The following COL5A1 variants were observed in gnomAD, a reference collection of about 807,000 sequenced individuals.
COL5A1 encodes the protein collagen alpha-1(V) chain.
In COL5A1, 16 loss-of-function variants were observed where a neutral mutation model predicts 263.7. The ratio of observed to expected loss-of-function variants is 0.06; its 90% confidence interval spans 0.04 to 0.09. COL5A1 has a LOEUF of 0.09. COL5A1 is among the 10% of genes least tolerant of loss of function. The pLI, the probability that COL5A1 is intolerant of heterozygous loss-of-function variation, is 1.00. For synonymous variants in COL5A1, 1,012 were observed against 1,004.5 expected, an observed-to-expected ratio of 1.01 and a Z score of -0.14; for missense variants, 2,036 against 2,540.5, an observed-to-expected ratio of 0.80 and a Z score of 4.27.
chr9:134,679,179 G>C (rs1832761021), intron 1 of COL5A1, among the ~76,000 whole-genome samples: 1 of 152,160 alleles, frequency 6.6e-6, no homozygotes, highest in Non-Finnish European at 1.5e-5. Flanking sequence ...TGTGTGGAAA[G>C]AGCAGTCTCC....
At chr9:134,726,000 C>T (rs976426291) in intron 4 of COL5A1, among the ~76,000 whole-genome samples, 3 of 152,208 alleles carry the variant, frequency 2.0e-5, no homozygotes, top group African/African-American at 2.4e-5. Flanking sequence ...GTTTCAGTTC[C>T]GGAGATTGGA....
intron 39 of COL5A1, 50 bp downstream of exon 39, chr9:134,803,045 AT>A: frequency 6.9e-7 from 1 of 1,442,496 alleles, no homozygotes; most frequent in Non-Finnish European, 9.6e-7. Flanking sequence ...CTCAGGAATC[AT>A]TTTGGGACTT....
At chr9:134,815,913 GA>G in intron 51 of COL5A1, 21 bp from the exon 52 acceptor site, 1 of 1,614,100 alleles carries the variant, frequency 6.2e-7, no homozygotes, top group Non-Finnish European at 8.5e-7. Context: ...GTTCAGCAAG[GA>G]GCTCGCTTTT....
At chr9:134,838,332 A>G (rs1477537485) in intron 65 of COL5A1, among the ~76,000 whole-genome samples, 1 of 152,180 alleles carries the variant, frequency 6.6e-6, no homozygotes. Flanking sequence ...GCACCCTTCT[A>G]CACACAGAAC....
chr9:134,827,234 A>T (rs1243715189), intron 63 of COL5A1, among the ~76,000 whole-genome samples: 4 of 152,198 alleles, frequency 2.6e-5, no homozygotes. Context: ...AGGGACCGCC[A>T]TCCCCTTACC....
intron 60 of COL5A1, 91 bp downstream of exon 60, chr9:134,823,124 C>A (rs761625263): frequency 1.4e-6 from 2 of 1,429,614 alleles, no homozygotes; most frequent in Non-Finnish European, 2.0e-6. Context: ...CCCAGACAAC[C>A]GTCCTAGCTC....
intron 42 of COL5A1, chr9:134,808,962 G>C: frequency 1.6e-6 from 1 of 607,794 alleles, no homozygotes; most frequent in Non-Finnish European, 3.0e-6. Flanking sequence ...CCTAGGATGA[G>C]TGTGGATTAA....
At chr9:134,718,735 G>A (rs1333205948) in intron 4 of COL5A1, among the ~76,000 whole-genome samples, 1 of 152,172 alleles carries the variant, frequency 6.6e-6, no homozygotes, top group Admixed American at 6.5e-5. Context: ...GGACTGTGGG[G>A]GCTGCAGGCA....
At chr9:134,809,413 A>C in intron 43 of COL5A1, 123 bp downstream of exon 43, 1 of 765,342 alleles carries the variant, frequency 1.3e-6, no homozygotes, top group Non-Finnish European at 2.3e-6. Context: ...GAGTGATGCC[A>C]CACCCACCCC....
In COL5A1 at chr9:134,680,871, G is replaced by A. The variant is rs1301328196; in HGVS notation, c.110-10041G>A. Among the ~76,000 whole-genome samples the A allele has an allele frequency of 6.6e-6, 1 of 152,204 alleles. No individual in the cohort carries two copies. The highest frequency in any genetic ancestry group is 1.5e-5 in the Non-Finnish European group (1 of 68,032). On this transcript the variant is annotated intron_variant, in intron 1 of 65. Transcript: ENST00000371817. This position sits in a 1 kb window ranked among gnomAD's most constrained non-coding sequence, Gnocchi z 5.9. ...TGCATGGAACCTGCTTTGGCGAAGT[G>A]GCAGTGAGCGCAGGGACAGGCTGGG...
chr9:134,766,579 G>A lies in COL5A1; in HGVS notation c.2133+81G>A, dbSNP rs1588525371. 6.4e-6 allele frequency: 9 copies of A among 1,410,920 alleles called. No individual in the cohort carries two copies. The East Asian group carries it at 6.9e-5, about 11-fold the overall frequency. 87.4% of individuals were successfully genotyped at this position (1,410,920 alleles called of 1,614,324 possible). A position where few individuals can be genotyped will look rare whatever the true frequency, so the allele number is the denominator to read the frequency against. Reference sequence around the variant, plus strand: ...CCTTGCCTGGCTAGGGAGGTCCATCGCTGTCCACATCAGCTGGGAACATGA... The same window carrying A: ...CCTTGCCTGGCTAGGGAGGTCCATCACTGTCCACATCAGCTGGGAACATGA... On this transcript the variant is annotated intron_variant, in intron 22 of 65. Transcript: ENST00000371817.
intron 18 of COL5A1, among the ~76,000 whole-genome samples, chr9:134,760,221 A>ACAC (rs1836287604): frequency 1.2e-5 from 1 of 84,636 alleles, no homozygotes; most frequent in South Asian, 4.3e-4. Context: ...ACATGCACAC[A>ACAC]CCACATGCAC....
At chr9:134,824,921 G>A (rs1158746899) in intron 62 of COL5A1, 66 bp downstream of exon 62, 11 of 1,547,760 alleles carry the variant, frequency 7.1e-6, no homozygotes, top group Non-Finnish European at 9.6e-6. Flanking sequence ...CACATGGAGT[G>A]TGGCAAGGAC....
intron 1 of COL5A1, among the ~76,000 whole-genome samples, chr9:134,690,372 G>A (rs1833235382): frequency 6.6e-6 from 1 of 152,188 alleles, no homozygotes; most frequent in Non-Finnish European, 1.5e-5. Flanking sequence ...CAGGTGGGGT[G>A]AAGGTTCTCA....
chr9:134,728,614 G>C, intron 5 of COL5A1, 56 bp from the exon 6 acceptor site: 3 of 1,611,982 alleles, frequency 1.9e-6, no homozygotes, highest in Non-Finnish European at 2.5e-6. Context: ...AAGGACAGCA[G>C]GCTGGTCGCT....
intron 4 of COL5A1, among the ~76,000 whole-genome samples, chr9:134,724,059 G>C (rs1834560704): frequency 6.6e-6 from 1 of 151,980 alleles, no homozygotes; most frequent in African/African-American, 2.4e-5. Flanking sequence ...CCCCTCTCAG[G>C]AGCACTGTCC....
intron 1 of COL5A1, among the ~76,000 whole-genome samples, chr9:134,650,247 C>T (rs2132470669): frequency 6.6e-6 from 1 of 152,234 alleles, no homozygotes; most frequent in Non-Finnish European, 1.5e-5. Flanking sequence ...AACTCTGACC[C>T]TTGCATTGGG....
intron 1 of COL5A1, among the ~76,000 whole-genome samples, chr9:134,659,116 G>A (rs1314553218): frequency 1.3e-5 from 2 of 152,188 alleles, no homozygotes; most frequent in South Asian, 2.1e-4. Context: ...CTTTGAGGCC[G>A]GGTGTGGTGG....
Position 134,817,845 on chromosome 9 carries a change from G to A in COL5A1, c.4230+14G>A. 6.3e-7 allele frequency: 1 copy of A among 1,596,242 alleles called. No individual in the cohort carries two copies. Among genetic ancestry groups the A allele is most frequent in the Non-Finnish European group, 8.5e-7 (1 of 1,171,112 alleles). ...AAAGGGGCCAAGGTAACGTGTTTTGGAGCCAGGCTGTGACCGCGTAGACCT... is the reference window on the plus strand; with the variant it reads ...AAAGGGGCCAAGGTAACGTGTTTTGAAGCCAGGCTGTGACCGCGTAGACCT... On this transcript the variant is annotated intron_variant, in intron 54 of 65. Coordinates refer to ENST00000371817, the MANE Select transcript of COL5A1 (RefSeq NM_000093.5).
Sources: allele counts gnomAD v4.1 joint callset (sites outside exome capture counted in the v4.1 genomes callset), GRCh38; gene constraint gnomAD v4.1.1; non-coding constraint Gnocchi (gnomAD v3.1); transcripts MANE v1.5; gene names NCBI Gene and HGNC (gene_info 2026-07-23, HGNC 2026-07-21).